Variants in CDH4 observed in about 807,000 individuals in gnomAD.
The protein encoded by CDH4 is cadherin 4.
CDH4 carries 33 observed loss-of-function variants against 86.0 expected under a neutral mutation model. That is an observed-to-expected ratio of 0.38 (90% CI 0.29 to 0.51). CDH4 has a LOEUF of 0.51. CDH4 is among the 20% of genes least tolerant of loss of function. The pLI, the probability that CDH4 is intolerant of heterozygous loss-of-function variation, is 0.86. For missense variants in CDH4, 1,114 were observed against 1,307.4 expected (o/e 0.85, Z 2.28); for synonymous variants, 555 against 549.4 (o/e 1.01, Z -0.14).
chr20:61,294,956 A>T (rs2084344215), intron 2 of CDH4, among the ~76,000 whole-genome samples: 3 of 152,188 alleles, frequency 2.0e-5, no homozygotes, highest in Admixed American at 1.3e-4. Context: ...TGCCCCAAAA[A>T]CACGGCTGTG....
chr20:61,549,755 T>C (rs2086113986), intron 2 of CDH4, among the ~76,000 whole-genome samples: 1 of 152,234 alleles, frequency 6.6e-6, no homozygotes, highest in South Asian at 2.1e-4. Flanking sequence ...AGGTGCTGCC[T>C]TCATGGTTCT....
At chr20:61,787,823 C>T (rs918117728) in intron 4 of CDH4, among the ~76,000 whole-genome samples, 4 of 152,062 alleles carry the variant, frequency 2.6e-5, no homozygotes, top group African/African-American at 9.7e-5. Context: ...GTGCTCCAGG[C>T]AGAGGGAACA....
At chr20:61,929,356 G>A (rs896886451) in intron 12 of CDH4, among the ~76,000 whole-genome samples, 16 of 152,140 alleles carry the variant, frequency 1.1e-4, no homozygotes, top group Middle Eastern at 3.4e-3. Flanking sequence ...CAGGCTGGTC[G>A]TGAACTCCTG....
At chr20:61,698,886 G>A (rs181845764) in intron 2 of CDH4, among the ~76,000 whole-genome samples, 203 of 152,330 alleles carry the variant, frequency 1.3e-3, no homozygotes, top group African/African-American at 4.4e-3. Context: ...CTGAGAGTTC[G>A]GAGTGTGTTA....
intron 2 of CDH4, among the ~76,000 whole-genome samples, chr20:61,364,633 A>G (rs1324937226): frequency 6.6e-6 from 1 of 152,202 alleles, no homozygotes; most frequent in Non-Finnish European, 1.5e-5. Context: ...CCTGGTGCAC[A>G]TGCTGTCCAT....
At chr20:61,570,630 G>T in intron 2 of CDH4, 1 of 702,230 alleles carries the variant, frequency 1.4e-6, no homozygotes, top group Non-Finnish European at 2.6e-6. Flanking sequence ...GAATGGGACA[G>T]ACAATTTTGT....
chr20:61,289,471 G>C (rs1343288056), intron 2 of CDH4, among the ~76,000 whole-genome samples: 1 of 152,226 alleles, frequency 6.6e-6, no homozygotes, highest in South Asian at 2.1e-4. Context: ...TAAGGGGTAC[G>C]GGGTGTCGCC....
intron 2 of CDH4, among the ~76,000 whole-genome samples, chr20:61,730,897 C>T (rs561769658): frequency 2.1e-5 from 3 of 145,830 alleles, no homozygotes; most frequent in Non-Finnish European, 3.1e-5. Context: ...AGCTGGGCGG[C>T]GGGGTCTGGG....
intron 2 of CDH4, among the ~76,000 whole-genome samples, chr20:61,714,023 T>TATGTTATGTTATGTTATGTTATG (rs2087922880): frequency 4.0e-5 from 5 of 123,912 alleles, no homozygotes; most frequent in African/African-American, 2.0e-4. Context: ...CTATTCTTTT[T>TATGTTATGTTATGTTATGTTATG]TTATTTTATT....
intron 2 of CDH4, among the ~76,000 whole-genome samples, chr20:61,679,071 C>T (rs538912252): frequency 1.3e-5 from 2 of 152,258 alleles, no homozygotes; most frequent in South Asian, 2.1e-4. Flanking sequence ...TTGTTCCTGC[C>T]GCACCCAGAG....
chr20:61,495,268 C>A (rs2085652288), intron 2 of CDH4, among the ~76,000 whole-genome samples: 1 of 152,206 alleles, frequency 6.6e-6, no homozygotes, highest in Non-Finnish European at 1.5e-5. Context: ...ATGTCCCAGG[C>A]CCTGGAGCTC....
At chr20:61,265,618 GTTCC>G (rs2084154686) in intron 2 of CDH4, among the ~76,000 whole-genome samples, 1 of 152,116 alleles carries the variant, frequency 6.6e-6, no homozygotes, top group African/African-American at 2.4e-5. Flanking sequence ...GACCTTAGTG[GTTCC>G]TTCTTTCAGC....
chr20:61,563,384 G>A (rs577259318), intron 2 of CDH4, among the ~76,000 whole-genome samples: 2 of 152,210 alleles, frequency 1.3e-5, no homozygotes, highest in South Asian at 2.1e-4. Flanking sequence ...AGAGCTGGCC[G>A]GCCCAGGAAT....
chr20:61,597,546 C>T (rs1488556501), intron 2 of CDH4, among the ~76,000 whole-genome samples: 5 of 152,208 alleles, frequency 3.3e-5, no homozygotes, highest in African/African-American at 7.2e-5. Context: ...GGCATCAGGG[C>T]GAACAGAGGG....
chr20:61,471,472 G>T (rs2085502743), intron 2 of CDH4, among the ~76,000 whole-genome samples: 1 of 147,146 alleles, frequency 6.8e-6, no homozygotes, highest in Admixed American at 6.8e-5. Context: ...TTAAAACCCA[G>T]CTTTCATTTC....
At chr20:61,932,492 A>T (rs772266982) in intron 13 of CDH4, among the ~76,000 whole-genome samples, 4 of 152,094 alleles carry the variant, frequency 2.6e-5, no homozygotes, top group Non-Finnish European at 5.9e-5. Flanking sequence ...ATGAGCATAC[A>T]CAGACACACG....
chr20:61,541,380 G>A (rs920527769), intron 2 of CDH4, among the ~76,000 whole-genome samples: 5 of 152,176 alleles, frequency 3.3e-5, no homozygotes, highest in African/African-American at 1.2e-4. Context: ...CTCTGCTGAT[G>A]TTTTATTTGT....
chr20:61,509,444 G>T (rs940320992), intron 2 of CDH4, among the ~76,000 whole-genome samples: 4 of 150,274 alleles, frequency 2.7e-5, no homozygotes, highest in African/African-American at 4.9e-5. Context: ...CACTTGCTTT[G>T]TCGAGGGTAT....
chr20:61,810,369 A>G lies in CDH4; in HGVS notation c.577-34299A>G, dbSNP rs1007036114. 3.3e-5 allele frequency among the ~76,000 whole-genome samples: 5 copies of G among 152,272 alleles called. No homozygotes were observed. In the South Asian group the frequency reaches 6.2e-4, roughly 19 times the overall value. Reference sequence around the variant, plus strand: ...TGTCTGTGACAGAGTTCCTTGTGCCATTACCAGGACTCTTCCCAGCAAAAA... The same window carrying G: ...TGTCTGTGACAGAGTTCCTTGTGCCGTTACCAGGACTCTTCCCAGCAAAAA... On this transcript the variant is annotated intron_variant, in intron 4 of 15. Coordinates refer to ENST00000614565, the MANE Select transcript of CDH4 (RefSeq NM_001794.5). This position sits in a 1 kb window ranked among gnomAD's most constrained non-coding sequence, Gnocchi z 4.3.
Sources: allele counts gnomAD v4.1 joint callset (sites outside exome capture counted in the v4.1 genomes callset), GRCh38; gene constraint gnomAD v4.1.1; non-coding constraint Gnocchi (gnomAD v3.1); transcripts MANE v1.5; gene names NCBI Gene and HGNC (gene_info 2026-07-23, HGNC 2026-07-21).